Variants in SYNE2 observed in about 807,000 individuals in gnomAD.
SYNE2 encodes the protein spectrin repeat containing nuclear envelope protein 2, also known as nesprin-2.
Under a neutral mutation model 856.3 loss-of-function variants are expected in SYNE2, and 431 were observed. The observed-to-expected ratio is 0.50, with a 90% CI of 0.47 to 0.55. The LOEUF is 0.55. Among genes scored for constraint, SYNE2 ranks in the 20% least tolerant of loss-of-function variants. SYNE2 has a pLI of 0.00. For synonymous variants in SYNE2, 2,923 were observed against 2,872.3 expected (o/e 1.02, Z -0.56); for missense variants, 8,129 against 8,023.2 (o/e 1.01, Z -0.50).
At chr14:64,069,141 G>A (rs531979716) in intron 51 of SYNE2, among the ~76,000 whole-genome samples, 2 of 152,246 alleles carry the variant, frequency 1.3e-5, no homozygotes, top group South Asian at 4.1e-4. Context: ...TGGTGTGTAA[G>A]CACCAAGAGG....
At chr14:64,202,083 C>T (rs142498932) in intron 99 of SYNE2, 6 of 664,898 alleles carry the variant, frequency 9.0e-6, no homozygotes, top group East Asian at 5.4e-5. Context: ...TTCAAATCTG[C>T]TCCACGCCGA....
At chr14:64,073,916 T>C in intron 52 of SYNE2, 52 bp from the exon 53 acceptor site, 1 of 1,579,296 alleles carries the variant, frequency 6.3e-7, no homozygotes, top group Admixed American at 1.7e-5. Flanking sequence ...TTTCATTTTA[T>C]TCATAGAAGA....
At chr14:63,896,326 T>G (rs564810513) in intron 1 of SYNE2, among the ~76,000 whole-genome samples, 2 of 152,310 alleles carry the variant, frequency 1.3e-5, no homozygotes, top group Middle Eastern at 3.4e-3. Context: ...TATCATATCC[T>G]GCATAGTAAG....
Position 64,142,072 on chromosome 14 carries a change from T to C in SYNE2, c.15290T>C (p.Leu5097Pro), listed in dbSNP as rs1172689221. 1 of 1,611,840 alleles carries C rather than the reference T, an allele frequency of 6.2e-7. No homozygotes were observed. The highest frequency in any genetic ancestry group is 8.5e-7 in the Non-Finnish European group (1 of 1,179,700). The change falls in exon 82 of 116, where the codon CTT becomes CCT. Residue 5097 changes from leucine (L) to proline (P), a missense_variant. Leu to Pro is a moderately conservative substitution (Grantham distance 98, BLOSUM62 -3). Coordinates refer to ENST00000555002, the MANE Select transcript of SYNE2 (RefSeq NM_182914.3). ...SPSSASQVKH[L>P]LQKHKEFRME... ...AGTTCTGCATCTCAAGTTAAACATC[T>C]TCTTCAGAAGCACAAGGTAATTATG...
rs528002229 is a variant in SYNE2 at position 64,219,104 on chromosome 14, GTTTTTTTTTTT to G, written c.19658-94_19658-84del. ...CAGGGGAATCCCCTACAGTTTTTTT[GTTTTTTTTTTT>G]TTTTTTTTTAACCACCCTGACCCCT... On this transcript the variant is annotated intron_variant, in intron 109 of 115. Transcript: ENST00000555002. The G allele has an allele frequency of 3.7e-5, 15 of 409,016 alleles. No individual in the cohort carries two copies. The Admixed American group carries it at 7.2e-4, about 20-fold the overall frequency. The allele number at this position is 409,016 out of a possible 1,614,324, so 25.3% of individuals were successfully genotyped here.
intron 66 of SYNE2, among the ~76,000 whole-genome samples, chr14:64,117,374 A>G (rs576381446): frequency 6.6e-6 from 1 of 152,286 alleles, no homozygotes; most frequent in South Asian, 2.1e-4. Flanking sequence ...ATCATGGCTC[A>G]CTGCAGCCTT....
In SYNE2 at chr14:64,093,437, A is replaced by G. The variant is rs542615655; in HGVS notation, c.12065A>G (p.Glu4022Gly). Residue 4022 changes from glutamate to glycine, a missense_variant, in exon 61 of 116, where the codon GAA becomes GGA. Glu to Gly is a moderately conservative substitution (Grantham distance 98). Coordinates refer to ENST00000555002, the MANE Select transcript of SYNE2 (RefSeq NM_182914.3). ...AATTATTCAGCTCAGTTCTCCCTTG[A>G]ACATATGTCACCAGACCAAGCTGAC... ...LNNYSAQFSL[E>G]HMSPDQADKL... 1.6e-5 allele frequency: 26 copies of G among 1,614,194 alleles called. No homozygotes were observed. In the South Asian group the frequency reaches 2.9e-4, roughly 18 times the overall value.
At position 63,999,031 on chromosome 14, in the gene SYNE2, A is replaced by G; in HGVS notation, c.3471A>G (p.Thr1157=). 6.2e-7 allele frequency: 1 copy of G among 1,613,712 alleles called. No homozygotes were observed. Among genetic ancestry groups the G allele is most frequent in the Non-Finnish European group, 8.5e-7 (1 of 1,179,674 alleles). ...GTTCTTGTCTGCAGGCTAAACTGAC[A>G]GATCTACAGGTAATTACCAAAAATA... ...RSSSCLQAKL[T]DLQVIKNETD... Residue 1157 remains threonine, a synonymous_variant, in exon 27 of 116, where the codon ACA becomes ACG. Coordinates refer to ENST00000555002, the MANE Select transcript of SYNE2 (RefSeq NM_182914.3).
chr14:63,906,714 G>A (rs940424403), intron 1 of SYNE2, among the ~76,000 whole-genome samples: 3 of 152,114 alleles, frequency 2.0e-5, no homozygotes, highest in African/African-American at 7.2e-5. Flanking sequence ...TCAAGGTACT[G>A]TCCAAATAAT....
At chr14:64,005,220 G>T (rs1411893903) in intron 30 of SYNE2, among the ~76,000 whole-genome samples, 7 of 152,152 alleles carry the variant, frequency 4.6e-5, no homozygotes. Context: ...AAATGTCTTG[G>T]TTTTCATCAT....
At chr14:63,781,959 A>G (rs1353249299) in intron 1 of SYNE2, among the ~76,000 whole-genome samples, 1 of 151,986 alleles carries the variant, frequency 6.6e-6, no homozygotes, top group Admixed American at 6.6e-5. Flanking sequence ...CCTGGGCAAC[A>G]GAGCGAGACC....
chr14:64,209,463 T>C lies in SYNE2; in HGVS notation c.18425T>C (p.Leu6142Ser). 1 of 1,614,240 alleles carries C rather than the reference T, an allele frequency of 6.2e-7. No individual in the cohort carries two copies. The highest frequency in any genetic ancestry group is 8.5e-7 in the Non-Finnish European group (1 of 1,180,038). ...ACGTGGCGCCTGTGGCAGAAGTTTT[T>C]AGACGACTATTCTCGCTTTGAGGAC... ...EETWRLWQKFLDDYSRFEDWL... is the reference protein window; with the variant it reads ...EETWRLWQKFSDDYSRFEDWL... Residue 6142 changes from leucine (L) to serine (S), a missense_variant, in exon 102 of 116, where the codon TTA becomes TCA. This residue lies in a region of SYNE2 where 5,410 missense variants were observed against 5,284.8 expected (regional missense o/e 1.02). Coordinates refer to ENST00000555002, the MANE Select transcript of SYNE2 (RefSeq NM_182914.3).
In SYNE2 at chr14:63,991,114, A is replaced by G; in HGVS notation, c.2645A>G (p.Lys882Arg). The G allele has an allele frequency of 1.2e-6, 2 of 1,614,026 alleles. No individual in the cohort carries two copies. The highest frequency in any genetic ancestry group is 1.7e-6 in the Non-Finnish European group (2 of 1,179,922). The change falls in exon 21 of 116, where the codon AAG becomes AGG. Residue 882 changes from lysine (K) to arginine (R), a missense_variant and splice_region_variant. Physicochemically the swap from Lys to Arg is conservative, Grantham distance 26 (BLOSUM62 2). This residue lies in a region of SYNE2 where 2,422 missense variants were observed against 2,357.4 expected (regional missense o/e 1.03). Transcript: ENST00000555002. ...CCCGGTGAACTCATTTCAAAACACAAGGTGGGAATCTTTTCAACCATCAAA... is the reference window on the plus strand; with the variant it reads ...CCCGGTGAACTCATTTCAAAACACAGGGTGGGAATCTTTTCAACCATCAAA... ...ESPGELISKH[K>R]EALIISNTKS... is the part of the protein sequence containing the mutation.
At chr14:64,207,654 C>T (rs1204865103) in intron 100 of SYNE2, among the ~76,000 whole-genome samples, 1 of 151,898 alleles carries the variant, frequency 6.6e-6, no homozygotes, top group East Asian at 1.9e-4. Flanking sequence ...CTTATATTGC[C>T]TTTCTGTAGA....
At chr14:63,811,973 G>A (rs116490616) in intron 1 of SYNE2, among the ~76,000 whole-genome samples, 1,654 of 152,274 alleles carry the variant, frequency 0.011, 24 homozygotes, top group African/African-American at 0.038. Flanking sequence ...CTCCTGATAA[G>A]GGTCTATGTT....
rs1378954594 is a variant in SYNE2 at position 64,002,794 on chromosome 14, G to A, written c.3861G>A (p.Lys1287=). Residue 1287 remains lysine, a synonymous_variant, in exon 30 of 116, where the codon AAG becomes AAA. Transcript: ENST00000555002. The part of the protein sequence containing the change: ...RLEEPGNFVL[K]ELHPFDLHAM... ...AAGAGCCAGGCAACTTTGTATTAAA[G>A]GAGTTACACCCATTTGATCTACACG... 4.4e-6 allele frequency: 7 copies of A among 1,593,438 alleles called. No homozygotes were observed. Among genetic ancestry groups the A allele is most frequent in the Non-Finnish European group, 6.0e-6 (7 of 1,170,140 alleles).
rs1388758245 is a variant in SYNE2, at chr14:64,157,100, T to C, written c.15793-1525T>C. ...CAGATCCTTTTTAAAAATTGAGATA[T>C]AATTCACATACCATAAAATTCACCT... On this transcript the variant is annotated intron_variant, in intron 85 of 115. Coordinates refer to ENST00000555002, the MANE Select transcript of SYNE2 (RefSeq NM_182914.3). Among the ~76,000 whole-genome samples the C allele has an allele frequency of 3.3e-5, 5 of 152,240 alleles. No homozygotes were observed. In the East Asian group the frequency reaches 9.6e-4, roughly 29 times the overall value.
chr14:63,773,931 T>C (rs546405199), intron 1 of SYNE2, among the ~76,000 whole-genome samples: 4 of 152,336 alleles, frequency 2.6e-5, no homozygotes, highest in South Asian at 4.1e-4. Context: ...TGACCTCTCA[T>C]AGGACTTTTA....
At chr14:63,909,928 T>C (rs900972549) in intron 2 of SYNE2, among the ~76,000 whole-genome samples, 4 of 152,244 alleles carry the variant, frequency 2.6e-5, no homozygotes, top group Non-Finnish European at 5.9e-5. Context: ...TTCAGTCATG[T>C]GAATCATGTG....
Sources: allele counts gnomAD v4.1 joint callset (sites outside exome capture counted in the v4.1 genomes callset), GRCh38; gene constraint gnomAD v4.1.1; regional missense constraint gnomAD v4.1.1; transcripts MANE v1.5; gene names NCBI Gene and HGNC (gene_info 2026-07-23, HGNC 2026-07-21).